The following SOX30 variants were observed in gnomAD, a reference collection of about 807,000 sequenced individuals.
SOX30 encodes SRY-box transcription factor 30, also known as transcription factor SOX-30.
SOX30 carries 17 observed loss-of-function variants against 58.6 expected under a neutral mutation model. That is an observed-to-expected ratio of 0.29 (90% CI 0.20 to 0.44). SOX30 has a LOEUF of 0.44. Ranked by LOEUF, SOX30 falls within the 20% of genes least tolerant of loss-of-function variation. SOX30 has a pLI of 1.00. For missense variants in SOX30, 951 were observed against 965.8 expected, an observed-to-expected ratio of 0.98 and a Z score of 0.20; for synonymous variants, 421 against 400.2, an observed-to-expected ratio of 1.05 and a Z score of -0.62.
intron 4 of SOX30, 125 bp from the exon 5 acceptor site, chr5:157,626,846 T>C: frequency 1.0e-6 from 1 of 1,003,882 alleles, no homozygotes; most frequent in South Asian, 1.8e-5. Flanking sequence ...AAACACTTCA[T>C]GTATTCCTCT....
chr5:157,628,526 A>T (rs1473890552), intron 4 of SOX30, among the ~76,000 whole-genome samples: 1 of 152,094 alleles, frequency 6.6e-6, no homozygotes, highest in Non-Finnish European at 1.5e-5. Context: ...TACCTTGCTC[A>T]TGTTAATTAT....
chr5:157,651,887 C>A lies in SOX30; in HGVS notation c.192G>T (p.Gln64His). ...SCGEAVASGL[Q>H]PAVRRLLQVK... ...CCTGCAGCAGCCGCCGCACCGCGGG[C>A]TGTAAGCCGGACGCCACTGCCTCCC... is the stretch of plus-strand genomic sequence containing the variant. The change falls in exon 1 of 5, where the codon CAG (glutamine) becomes CAT (histidine). Residue 64 changes from glutamine (Q) to histidine (H), a missense_variant. Around this residue, in one of 7 missense-constraint regions of SOX30, gnomAD observed 363 missense variants for 294.5 expected, o/e 1.23. Transcript: ENST00000265007. 1 of 1,544,806 alleles carries A rather than the reference C, an allele frequency of 6.5e-7. No homozygotes were observed. The highest frequency in any genetic ancestry group is 8.7e-7 in the Non-Finnish European group (1 of 1,150,492).
chr5:157,654,119 C>T (rs552776067), upstream of SOX30, among the ~76,000 whole-genome samples: 8 of 150,460 alleles, frequency 5.3e-5, no homozygotes, highest in South Asian at 2.1e-4. Flanking sequence ...GAGCCGAGAT[C>T]GTGCCACTGC....
At chr5:157,652,607 A>C (rs949389518), upstream of SOX30, among the ~76,000 whole-genome samples, 6 of 152,212 alleles carry the variant, frequency 3.9e-5, no homozygotes, top group African/African-American at 1.4e-4. Flanking sequence ...AGAATGGGGA[A>C]GATTTTGCAA....
intron 1 of SOX30, among the ~76,000 whole-genome samples, chr5:157,671,115 G>A (rs1433890406): frequency 6.6e-6 from 1 of 152,234 alleles, no homozygotes; most frequent in African/African-American, 2.4e-5. Flanking sequence ...AAAGACACCA[G>A]TCTTGATCCT....
chr5:157,660,058 G>A (rs1759549812), intron 2 of SOX30, among the ~76,000 whole-genome samples: 1 of 152,208 alleles, frequency 6.6e-6, no homozygotes, highest in South Asian at 2.1e-4. Flanking sequence ...TCCAACGGGA[G>A]GAATGTTTAA....
chr5:157,647,861 T>C (rs1034020739), intron 2 of SOX30, among the ~76,000 whole-genome samples: 6 of 152,056 alleles, frequency 3.9e-5, no homozygotes, highest in African/African-American at 1.4e-4. Flanking sequence ...GCCTGGCTGA[T>C]CAGTCACTAA....
At chr5:157,652,541 C>G (rs1581403418), upstream of SOX30, 1 of 209,706 alleles carries the variant, frequency 4.8e-6, no homozygotes, top group Admixed American at 6.5e-5. Flanking sequence ...CTCTGTGCGG[C>G]CTGAGTAATC....
intron 2 of SOX30, 113 bp downstream of exon 2, chr5:157,648,544 T>C (rs1011149225): frequency 4.3e-6 from 4 of 937,078 alleles, no homozygotes; most frequent in South Asian, 1.7e-5. Context: ...TTCTCTTTAT[T>C]GTACATATCA....
chr5:157,666,527 A>ACACC (rs1561591753), intron 2 of SOX30, among the ~76,000 whole-genome samples: 5 of 132,706 alleles, frequency 3.8e-5, no homozygotes, highest in African/African-American at 1.4e-4. Context: ...ACACACACAC[A>ACACC]CCTCAGTTCA....
chr5:157,654,039 G>T (rs1759421955), upstream of SOX30, among the ~76,000 whole-genome samples: 5 of 151,976 alleles, frequency 3.3e-5, no homozygotes, highest in South Asian at 2.1e-4. Flanking sequence ...GGTGGCACAT[G>T]CCTGTAATTC....
chr5:157,651,516 G>T lies in SOX30; in HGVS notation c.563C>A (p.Ala188Glu), dbSNP rs1465236088. The change falls in exon 1 of 5, where the codon GCG becomes GAG. Residue 188 changes from alanine to glutamate, a missense_variant. By Grantham distance (107) the Ala-to-Glu change is moderately radical. Coordinates refer to ENST00000265007, the MANE Select transcript of SOX30 (RefSeq NM_178424.2). ...CATCGAGTCTCTCATGACCTCCTCC[G>T]CCTCCAGCTTGCCCTTCTCGTCCCC... The part of the protein sequence containing the change: ...FRGDEKGKLE[A>E]EEVMRDSMQG... 1.2e-6 allele frequency: 2 copies of T among 1,613,130 alleles called. No individual in the cohort carries two copies. The highest frequency in any genetic ancestry group is 1.7e-6 in the Non-Finnish European group (2 of 1,180,022).
At chr5:157,633,576 C>T (rs1289104400) in intron 4 of SOX30, among the ~76,000 whole-genome samples, 1 of 152,128 alleles carries the variant, frequency 6.6e-6, no homozygotes, top group Non-Finnish European at 1.5e-5. Flanking sequence ...TTCCCTCCTC[C>T]ATAAGTTTAG....
At chr5:157,628,289 G>A (rs1467674955) in intron 4 of SOX30, among the ~76,000 whole-genome samples, 1 of 151,614 alleles carries the variant, frequency 6.6e-6, no homozygotes, top group Admixed American at 6.6e-5. Context: ...CAACCATCTA[G>A]TGACAGATAA....
At chr5:157,637,184 T>A (rs1475579223) in intron 4 of SOX30, among the ~76,000 whole-genome samples, 1 of 149,976 alleles carries the variant, frequency 6.7e-6, no homozygotes, top group African/African-American at 2.5e-5. Context: ...TACCACTCTA[T>A]CAAAATACTT....
intron 2 of SOX30, 86 bp downstream of exon 2, chr5:157,648,569 ATT>A: frequency 4.8e-6 from 6 of 1,244,688 alleles, no homozygotes; most frequent in Non-Finnish European, 6.7e-6. Flanking sequence ...AAAATTATAT[ATT>A]TTTGTCTTTC....
At position 157,652,342 on chromosome 5, in the gene SOX30, G is replaced by A; in HGVS notation, c.-264C>T. On this transcript the variant is annotated 5_prime_UTR_variant, in exon 1 of 5. Coordinates refer to ENST00000265007, the MANE Select transcript of SOX30 (RefSeq NM_178424.2). ...CGAATCACCTGCCATGGTAGGAGCC[G>A]CCGCACTTGTTGCACATTTTCGTTC... 8.3e-7 allele frequency: 1 copy of A among 1,199,426 alleles called. No individual in the cohort carries two copies. The highest frequency in any genetic ancestry group is 1.0e-6 in the Non-Finnish European group (1 of 968,214). 74.3% of individuals were successfully genotyped at this position (1,199,426 alleles called of 1,614,324 possible).
At chr5:157,667,470 T>C (rs1759694308) in intron 2 of SOX30, among the ~76,000 whole-genome samples, 1 of 152,194 alleles carries the variant, frequency 6.6e-6, no homozygotes, top group African/African-American at 2.4e-5. Context: ...TGGTGGTTCA[T>C]GCCTGTAATC....
intron 3 of SOX30, among the ~76,000 whole-genome samples, chr5:157,640,770 C>T (rs1759042448): frequency 6.6e-6 from 1 of 152,092 alleles, no homozygotes; most frequent in Non-Finnish European, 1.5e-5. Context: ...CTAAAATCTC[C>T]GCCCAGGGAG....
Sources: allele counts gnomAD v4.1 joint callset (sites outside exome capture counted in the v4.1 genomes callset), GRCh38; gene constraint gnomAD v4.1.1; regional missense constraint gnomAD v4.1.1; transcripts MANE v1.5; gene names NCBI Gene and HGNC (gene_info 2026-07-23, HGNC 2026-07-21).